The following STPG2 variants were observed in gnomAD, a reference collection of about 807,000 sequenced individuals.
STPG2 encodes the protein sperm tail PG-rich repeat containing 2, also known as sperm-tail PG-rich repeat-containing protein 2.
A neutral mutation model predicts 54.2 loss-of-function variants in STPG2; 56 were observed. That is an observed-to-expected ratio of 1.03 (90% CI 0.83 to 1.29). STPG2 has a LOEUF of 1.29. Among genes scored for constraint, STPG2 ranks in the 50% most tolerant of loss-of-function variants. STPG2 has a pLI of 0.00. For synonymous variants in STPG2, 200 were observed against 181.8 expected (o/e 1.10, Z -0.81); for missense variants, 596 against 544.9 (o/e 1.09, Z -0.93).
chr4:97,788,814 AT>A (rs1206938479), intron 9 of STPG2, among the ~76,000 whole-genome samples: 4 of 151,998 alleles, frequency 2.6e-5, no homozygotes, highest in African/African-American at 9.7e-5. Flanking sequence ...TGTTAATTCA[AT>A]TTTAAAATAT....
chr4:97,805,399 T>C (rs1302909794), intron 9 of STPG2, among the ~76,000 whole-genome samples: 1 of 151,960 alleles, frequency 6.6e-6, no homozygotes, highest in Admixed American at 6.6e-5. Context: ...TTAGTGGAGA[T>C]GGGGTTTCAC....
intron 5 of STPG2, among the ~76,000 whole-genome samples, chr4:98,027,828 A>G (rs1736473989): frequency 6.6e-6 from 1 of 152,178 alleles, no homozygotes; most frequent in Non-Finnish European, 1.5e-5. Context: ...AAGTAGTTTT[A>G]TCAGCCTGCT....
At chr4:98,099,094 C>A (rs934441142) in intron 5 of STPG2, among the ~76,000 whole-genome samples, 1 of 151,958 alleles carries the variant, frequency 6.6e-6, no homozygotes, top group African/African-American at 2.4e-5. Context: ...CCATATGAAC[C>A]AGCAACCCCA....
chr4:97,595,514 G>T (rs1020361654), intron 10 of STPG2, among the ~76,000 whole-genome samples: 2 of 151,336 alleles, frequency 1.3e-5, no homozygotes, highest in Non-Finnish European at 2.9e-5. Context: ...TGAGTTAATG[G>T]GTACAGCACA....
chr4:97,596,188 G>A (rs1733286096), intron 10 of STPG2, among the ~76,000 whole-genome samples: 7 of 152,044 alleles, frequency 4.6e-5, no homozygotes, highest in Admixed American at 4.6e-4. Context: ...CAATGGTAAA[G>A]GCTTCAATTT....
chr4:98,075,274 T>TA (rs1292482074), intron 5 of STPG2, among the ~76,000 whole-genome samples: 1 of 152,148 alleles, frequency 6.6e-6, no homozygotes, highest in Admixed American at 6.5e-5. Context: ...AGCTTAGAAA[T>TA]AAACAAATGT....
At chr4:97,987,320 T>G (rs560341122) in intron 5 of STPG2, among the ~76,000 whole-genome samples, 1 of 152,342 alleles carries the variant, frequency 6.6e-6, no homozygotes, top group African/African-American at 2.4e-5. Context: ...CTTCTCTAGT[T>G]CTTCCATTTA....
intron 4 of STPG2, among the ~76,000 whole-genome samples, chr4:97,486,804 GGTGTGT>G (rs546341277): frequency 4.7e-4 from 62 of 130,892 alleles, no homozygotes; most frequent in South Asian, 1.9e-3. Context: ...AAGAAACTGT[GGTGTGT>G]GTGTGTGTGT....
chr4:97,701,198 C>G (rs1723763374), intron 10 of STPG2, among the ~76,000 whole-genome samples: 1 of 152,132 alleles, frequency 6.6e-6, no homozygotes, highest in South Asian at 2.1e-4. Flanking sequence ...TTCAGGGAGC[C>G]AATGTGGGGG....
chr4:97,558,697 G>A (rs918604333), downstream of STPG2, among the ~76,000 whole-genome samples: 1 of 152,148 alleles, frequency 6.6e-6, no homozygotes, highest in African/African-American at 2.4e-5. Flanking sequence ...CTGAGCCTAG[G>A]AGACACCTAG....
At chr4:97,505,650 C>T (rs977665781) in intron 4 of STPG2, among the ~76,000 whole-genome samples, 2 of 151,870 alleles carry the variant, frequency 1.3e-5, no homozygotes, top group African/African-American at 4.8e-5. Flanking sequence ...GTAATTTTGA[C>T]ACATAGTGTG....
chr4:97,603,027 T>C lies in STPG2; in HGVS notation c.1321-43910A>G, dbSNP rs537434341. ...CAAAGAATACAATCAACAGAAAAGA[T>C]GGCCTATGAAATAGAAACAAATATT... is the stretch of plus-strand genomic sequence containing the variant. On this transcript the variant is annotated intron_variant, in intron 10 of 10. Coordinates refer to ENST00000295268, the MANE Select transcript of STPG2 (RefSeq NM_174952.3). 3.3e-5 allele frequency among the ~76,000 whole-genome samples: 5 copies of C among 151,832 alleles called. No individual in the cohort carries two copies. In the East Asian group the frequency reaches 9.6e-4, roughly 29 times the overall value.
At chr4:97,629,162 A>C (rs1721169425) in intron 10 of STPG2, among the ~76,000 whole-genome samples, 1 of 152,014 alleles carries the variant, frequency 6.6e-6, no homozygotes, top group African/African-American at 2.4e-5. Context: ...AATAATAATA[A>C]TAAGAGTAAT....
intron 10 of STPG2, among the ~76,000 whole-genome samples, chr4:97,613,518 GTA>G (rs1159427178): frequency 6.4e-5 from 9 of 139,846 alleles, no homozygotes; most frequent in Non-Finnish European, 9.5e-5. Context: ...GTGTGTGTGT[GTA>G]TGCACGTGCG....
At chr4:98,008,657 G>A (rs1283003368) in intron 5 of STPG2, among the ~76,000 whole-genome samples, 3 of 148,878 alleles carry the variant, frequency 2.0e-5, no homozygotes, top group Non-Finnish European at 4.5e-5. Context: ...AAACCACAAA[G>A]ATAAACAAGA....
intron 5 of STPG2, among the ~76,000 whole-genome samples, chr4:98,016,216 A>G (rs1340765343): frequency 2.0e-5 from 3 of 152,166 alleles, no homozygotes; most frequent in East Asian, 3.9e-4. Flanking sequence ...CTAAAAACAG[A>G]AAGAATTTGA....
chr4:97,930,308 T>C, intron 8 of STPG2, among the ~76,000 whole-genome samples: 1 of 152,236 alleles, frequency 6.6e-6, no homozygotes, highest in East Asian at 1.9e-4. Context: ...TTTAGAATTT[T>C]GGGTTGCACA....
intron 9 of STPG2, among the ~76,000 whole-genome samples, chr4:97,819,877 GC>G (rs1273141023): frequency 6.6e-6 from 1 of 151,992 alleles, no homozygotes; most frequent in African/African-American, 2.4e-5. Context: ...TTTTTAGTAA[GC>G]CTAAGGCTGT....
intron 8 of STPG2, among the ~76,000 whole-genome samples, chr4:97,931,683 T>G (rs926086260): frequency 6.6e-6 from 1 of 152,028 alleles, no homozygotes; most frequent in Non-Finnish European, 1.5e-5. Flanking sequence ...TGTTGTTGTT[T>G]GTTGTTTTTT....
Sources: allele counts gnomAD v4.1 joint callset (sites outside exome capture counted in the v4.1 genomes callset), GRCh38; gene constraint gnomAD v4.1.1; transcripts MANE v1.5; gene names NCBI Gene and HGNC (gene_info 2026-07-23, HGNC 2026-07-21).